The following LRIF1 variants were observed in gnomAD, a reference collection of about 807,000 sequenced individuals.
LRIF1 encodes ligand-dependent nuclear receptor-interacting factor 1.
A neutral mutation model predicts 52.7 loss-of-function variants in LRIF1; 32 were observed. The ratio of observed to expected loss-of-function variants is 0.61; its 90% CI spans 0.46 to 0.82. The LOEUF (loss-of-function observed/expected upper bound fraction) is 0.82. Ranked by LOEUF, LRIF1 falls within the 40% of genes least tolerant of loss-of-function variation. LRIF1 has a pLI of 0.00. For synonymous variants in LRIF1, 323 were observed against 317.4 expected (o/e 1.02, Z -0.19); for missense variants, 887 against 892.0 (o/e 0.99, Z 0.07).
downstream of LRIF1, among the ~76,000 whole-genome samples, chr1:110,946,828 T>C (rs142725538): frequency 5.9e-3 from 900 of 152,242 alleles, 11 homozygotes; most frequent in African/African-American, 0.021. Flanking sequence ...GACTAATTTT[T>C]GTATTTTTAG....
chr1:110,921,217 C>T, the LRIF1 span, among the ~76,000 whole-genome samples: 5 of 151,896 alleles, frequency 3.3e-5, no homozygotes, highest in African/African-American at 4.8e-5. Context: ...AATTAAGTTA[C>T]GAATTTGGTA....
the LRIF1 span, among the ~76,000 whole-genome samples, chr1:110,886,949 A>C: frequency 6.7e-6 from 1 of 149,234 alleles, no homozygotes; most frequent in Admixed American, 6.7e-5. Context: ...CTTCAGCAAT[A>C]TCTAATCTGC....
chr1:110,883,668 T>G, the LRIF1 span, among the ~76,000 whole-genome samples: 1 of 151,990 alleles, frequency 6.6e-6, no homozygotes, highest in Admixed American at 6.5e-5. Flanking sequence ...ATAAGACATC[T>G]GGACTAGCAG....
downstream of LRIF1, chr1:110,942,276 G>T (rs767648598): frequency 6.6e-6 from 1 of 152,028 alleles, no homozygotes; most frequent in Non-Finnish European, 1.5e-5. Flanking sequence ...TACATTTCAT[G>T]GAGTCTGGAA....
the LRIF1 span, chr1:110,899,035 C>A: frequency 3.2e-6 from 3 of 924,924 alleles, no homozygotes; most frequent in Non-Finnish European, 1.7e-6. Flanking sequence ...GTAATGGATA[C>A]ATTCTTTTTC....
chr1:110,899,197 C>T, the LRIF1 span: 2 of 1,609,036 alleles, frequency 1.2e-6, no homozygotes, highest in Non-Finnish European at 8.5e-7. Context: ...GGGCTATGAT[C>T]TGCAGTAGTC....
At chr1:110,933,487 ACAG>A in the LRIF1 span, among the ~76,000 whole-genome samples, 1 of 152,070 alleles carries the variant, frequency 6.6e-6, no homozygotes, top group Non-Finnish European at 1.5e-5. Context: ...AAACCCCCCA[ACAG>A]CAGCCAGGTG....
chr1:110,901,779 CATT>C, the LRIF1 span, among the ~76,000 whole-genome samples: 1 of 152,182 alleles, frequency 6.6e-6, no homozygotes, highest in East Asian at 1.9e-4. Flanking sequence ...CCCGGTGAGA[CATT>C]CTCTTGAGTA....
intron 1 of LRIF1, among the ~76,000 whole-genome samples, chr1:110,957,492 A>AAAAAAAAAAAAT (rs1658754191): frequency 6.7e-6 from 1 of 149,444 alleles, no homozygotes; most frequent in Non-Finnish European, 1.5e-5. Flanking sequence ...AAAAAAAAAA[A>AAAAAAAAAAAAT]GACTGCAACA....
the LRIF1 span, chr1:110,899,518 T>A: frequency 1.4e-5 from 3 of 220,236 alleles, no homozygotes; most frequent in Non-Finnish European, 2.7e-5. Context: ...AGGATATGAA[T>A]TTTTGCATCT....
At chr1:110,905,386 G>T in the LRIF1 span, among the ~76,000 whole-genome samples, 1 of 151,516 alleles carries the variant, frequency 6.6e-6, no homozygotes, top group Non-Finnish European at 1.5e-5. Context: ...TCCAAAAGCA[G>T]CAAGAGAAAA....
At chr1:110,957,301 CAAAAAA>C (rs35011841) in intron 1 of LRIF1, among the ~76,000 whole-genome samples, 39 of 81,880 alleles carry the variant, frequency 4.8e-4, no homozygotes, top group African/African-American at 1.7e-3. Context: ...ACTAAAAATA[CAAAAAA>C]AAAAAAAAAA....
the LRIF1 span, among the ~76,000 whole-genome samples, chr1:110,903,239 G>C: frequency 6.6e-6 from 1 of 152,208 alleles, no homozygotes; most frequent in Non-Finnish European, 1.5e-5. Flanking sequence ...ATTGAACCAG[G>C]CCCAGAGACA....
At chr1:110,902,504 A>G in the LRIF1 span, among the ~76,000 whole-genome samples, 564 of 146,740 alleles carry the variant, frequency 3.8e-3, no homozygotes, top group African/African-American at 0.012. Context: ...CTAAAAAAAA[A>G]AAAAAAAAAA....
chr1:110,894,656 G>A, the LRIF1 span, among the ~76,000 whole-genome samples: 1 of 152,168 alleles, frequency 6.6e-6, no homozygotes, highest in African/African-American at 2.4e-5. Context: ...TCCTCTGTGT[G>A]TTTGGCAGGA....
the LRIF1 span, among the ~76,000 whole-genome samples, chr1:110,930,695 G>A: frequency 6.6e-6 from 1 of 151,996 alleles, no homozygotes; most frequent in Non-Finnish European, 1.5e-5. Flanking sequence ...TTTTAGGGGG[G>A]ACAAAAACAT....
chr1:110,960,826 T>C (rs1658919412), intron 1 of LRIF1, among the ~76,000 whole-genome samples: 1 of 152,210 alleles, frequency 6.6e-6, no homozygotes, highest in Non-Finnish European at 1.5e-5. Flanking sequence ...CCTCAGAATT[T>C]CTGAAAAGAC....
chr1:110,949,200 C>T (rs1658348567), intron 3 of LRIF1, among the ~76,000 whole-genome samples: 1 of 151,938 alleles, frequency 6.6e-6, no homozygotes, highest in Non-Finnish European at 1.5e-5. Flanking sequence ...TCACTGCAAC[C>T]TCTGCCTTCC....
At chr1:110,902,495 T>TAAAAAAAAAAAAAAAAAA in the LRIF1 span, among the ~76,000 whole-genome samples, 117 of 72,572 alleles carry the variant, frequency 1.6e-3, no homozygotes, top group East Asian at 3.0e-3. Context: ...AATCAATCAC[T>TAAAAAAAAAAAAAAAAAA]AAAAAAAAAA....
Sources: gnomAD v4.1 joint callset for allele counts (sites outside exome capture counted in the v4.1 genomes callset) on GRCh38, gnomAD v4.1.1 for gene constraint, MANE v1.5 for transcripts, NCBI Gene and HGNC (gene_info 2026-07-23, HGNC 2026-07-21) for gene names.